Variants in CRTAC1 observed in about 807,000 individuals in gnomAD.
The protein encoded by CRTAC1 is cartilage acidic protein 1.
In CRTAC1, 37 loss-of-function variants were observed where a neutral mutation model predicts 67.8. The ratio of observed to expected loss-of-function variants is 0.55; its 90% CI spans 0.42 to 0.72. The LOEUF is 0.72. Among genes scored for constraint, CRTAC1 ranks in the 30% least tolerant of loss-of-function variants. The pLI is 0.00. For missense variants in CRTAC1, 780 were observed against 931.6 expected (o/e 0.84, Z 2.12); for synonymous variants, 348 against 371.0 (o/e 0.94, Z 0.71).
intron 14 of CRTAC1, among the ~76,000 whole-genome samples, chr10:97,871,743 C>T (rs1356544303): frequency 6.6e-6 from 1 of 152,100 alleles, no homozygotes; most frequent in Non-Finnish European, 1.5e-5. Flanking sequence ...CTCACTCTGC[C>T]ACAAGAGTGA....
At chr10:97,999,331 C>T (rs558753332) in intron 2 of CRTAC1, among the ~76,000 whole-genome samples, 19 of 152,370 alleles carry the variant, frequency 1.2e-4, no homozygotes, top group African/African-American at 4.3e-4. Flanking sequence ...AGTGCCTGCC[C>T]CTGAGACCTG....
chr10:97,941,493 C>T (rs1368722144), intron 2 of CRTAC1, among the ~76,000 whole-genome samples: 2 of 152,146 alleles, frequency 1.3e-5, no homozygotes, highest in Non-Finnish European at 2.9e-5. Flanking sequence ...TACCTGACAT[C>T]ACCCCTTGGA....
intron 3 of CRTAC1, among the ~76,000 whole-genome samples, chr10:97,924,753 T>C (rs1265785429): frequency 6.6e-6 from 1 of 152,214 alleles, no homozygotes. Context: ...ATTTTTCTCA[T>C]GTTATAGATG....
intron 2 of CRTAC1, among the ~76,000 whole-genome samples, chr10:97,980,385 T>C (rs1290477443): frequency 6.6e-6 from 1 of 152,244 alleles, no homozygotes; most frequent in Non-Finnish European, 1.5e-5. Context: ...CAGGGAGATG[T>C]CTACAGTTTG....
At chr10:97,936,846 G>A (rs2136615155) in intron 2 of CRTAC1, among the ~76,000 whole-genome samples, 1 of 152,338 alleles carries the variant, frequency 6.6e-6, no homozygotes, top group South Asian at 2.1e-4. Context: ...GAGGCTCAGA[G>A]AGGCTGAATG....
chr10:98,005,100 A>ATATATATATATTTTTTTT, intron 2 of CRTAC1, among the ~76,000 whole-genome samples: 2 of 48,884 alleles, frequency 4.1e-5, no homozygotes, highest in African/African-American at 2.3e-4. Context: ...ATATATATAT[A>ATATATATATATTTTTTTT]TTTTTTTTTT....
chr10:97,931,013 A>G (rs912584517), intron 3 of CRTAC1, among the ~76,000 whole-genome samples: 3 of 152,226 alleles, frequency 2.0e-5, no homozygotes, highest in African/African-American at 7.2e-5. Flanking sequence ...AGCTGTTACA[A>G]CTCAATAAGG....
chr10:97,915,256 C>T (rs970280848), intron 5 of CRTAC1, among the ~76,000 whole-genome samples: 2 of 152,190 alleles, frequency 1.3e-5, no homozygotes, highest in South Asian at 2.1e-4. Context: ...GAAAGGTCAG[C>T]GGGCTGTGGC....
intron 2 of CRTAC1, among the ~76,000 whole-genome samples, chr10:97,965,512 G>A (rs961282012): frequency 6.6e-6 from 1 of 152,018 alleles, no homozygotes; most frequent in East Asian, 1.9e-4. Flanking sequence ...ACTTACTACC[G>A]CCAGAGGCAA....
chr10:98,002,088 G>T (rs764040776), intron 2 of CRTAC1, among the ~76,000 whole-genome samples: 4 of 152,146 alleles, frequency 2.6e-5, no homozygotes, highest in African/African-American at 9.7e-5. Context: ...CCTGCAGTAG[G>T]GCCCGCGGGA....
chr10:98,022,910 C>A (rs1047784132), intron 1 of CRTAC1, among the ~76,000 whole-genome samples: 1 of 152,074 alleles, frequency 6.6e-6, no homozygotes, highest in African/African-American at 2.4e-5. Flanking sequence ...CACTGGATGA[C>A]CTCCAAAGTT....
chr10:97,886,093 A>G (rs915493709), intron 11 of CRTAC1, among the ~76,000 whole-genome samples: 4 of 152,098 alleles, frequency 2.6e-5, no homozygotes, highest in African/African-American at 9.7e-5. Flanking sequence ...GACTTGGAGG[A>G]GAATCTCTGT....
At chr10:97,921,040 C>T (rs554459437) in intron 4 of CRTAC1, among the ~76,000 whole-genome samples, 3 of 151,822 alleles carry the variant, frequency 2.0e-5, no homozygotes, top group Admixed American at 6.6e-5. Flanking sequence ...AGAGTGGGGG[C>T]GGGGCTGAGG....
chr10:98,005,356 C>T (rs559409569), intron 2 of CRTAC1, among the ~76,000 whole-genome samples: 14 of 150,676 alleles, frequency 9.3e-5, no homozygotes, highest in East Asian at 1.9e-4. Context: ...CCACCTGCCT[C>T]GGCCTCCCAA....
chr10:97,928,304 A>T (rs2050952421), intron 3 of CRTAC1, among the ~76,000 whole-genome samples: 1 of 152,188 alleles, frequency 6.6e-6, no homozygotes. Context: ...GCAGGGGGCC[A>T]GGTGCTACAC....
chr10:97,919,888 C>T (rs1354368578), intron 4 of CRTAC1, among the ~76,000 whole-genome samples: 2 of 149,606 alleles, frequency 1.3e-5, no homozygotes, highest in African/African-American at 2.5e-5. Flanking sequence ...TACAGGTGTG[C>T]CCCACCACAC....
At chr10:97,927,123 C>A (rs1362213470) in intron 3 of CRTAC1, among the ~76,000 whole-genome samples, 1 of 152,182 alleles carries the variant, frequency 6.6e-6, no homozygotes, top group African/African-American at 2.4e-5. Context: ...TCTCAAGCTG[C>A]AGAGTTCCTG....
chr10:97,908,575 T>C (rs2050647231), intron 5 of CRTAC1, among the ~76,000 whole-genome samples: 1 of 152,250 alleles, frequency 6.6e-6, no homozygotes, highest in African/African-American at 2.4e-5. Context: ...CCACTGGGTA[T>C]GTCCCAGCTT....
At chr10:98,026,565 A>G (rs777291311) in intron 1 of CRTAC1, among the ~76,000 whole-genome samples, 2 of 152,062 alleles carry the variant, frequency 1.3e-5, no homozygotes, top group East Asian at 1.9e-4. Flanking sequence ...TCTCAAGCAT[A>G]GCCTCTTAAG....
Sources: gnomAD v4.1 joint callset for allele counts (sites outside exome capture counted in the v4.1 genomes callset) on GRCh38, gnomAD v4.1.1 for gene constraint, MANE v1.5 for transcripts, NCBI Gene and HGNC (gene_info 2026-07-23, HGNC 2026-07-21) for gene names.